ACP1: variants seen among roughly 807,000 people sequenced by gnomAD.
ACP1 encodes the protein low molecular weight phosphotyrosine protein phosphatase.
In ACP1, 23 loss-of-function variants were observed where a neutral mutation model predicts 23.4. The observed-to-expected ratio is 0.98, with a 90% CI of 0.71 to 1.39. ACP1 has a LOEUF of 1.39. Ranked by LOEUF, ACP1 falls within the 40% of genes most tolerant of loss-of-function variation. The pLI, the probability that ACP1 is intolerant of heterozygous loss-of-function variation, is 0.00. For missense variants in ACP1, 180 were observed against 197.7 expected (o/e 0.91, Z 0.54); for synonymous variants, 72 against 67.2 (o/e 1.07, Z -0.35).
At chr2:272,299 A>T (rs1670067743) in intron 3 of ACP1, 149 bp downstream of exon 3, 3 of 1,613,204 alleles carry the variant, frequency 1.9e-6, no homozygotes, top group Non-Finnish European at 2.5e-6. Flanking sequence ...CCCATAAAGC[A>T]AGACAGGTAG....
chr2:265,271 A>T, intron 1 of ACP1: 1 of 449,392 alleles, frequency 2.2e-6, no homozygotes, highest in South Asian at 3.5e-5. Context: ...CAGCCCCTAC[A>T]AGCCAAGGTA....
chr2:265,130 C>T, intron 1 of ACP1, 123 bp downstream of exon 1: 1 of 1,231,184 alleles, frequency 8.1e-7, no homozygotes, highest in East Asian at 2.5e-5. Context: ...GACTGGGAGG[C>T]CTAGGGTGTT....
At chr2:266,829 C>A (rs1669902004) in intron 1 of ACP1, among the ~76,000 whole-genome samples, 1 of 151,920 alleles carries the variant, frequency 6.6e-6, no homozygotes, top group African/African-American at 2.4e-5. Context: ...CAAAAACTTT[C>A]ACCTTTTTAC....
At chr2:271,071 G>T (rs1670015286) in intron 1 of ACP1, among the ~76,000 whole-genome samples, 1 of 152,120 alleles carries the variant, frequency 6.6e-6, no homozygotes, top group South Asian at 2.1e-4. Flanking sequence ...GGCTGCTAAT[G>T]CCTGGATCTG....
chr2:271,958 C>T lies in ACP1; in HGVS notation c.117+19C>T. ...AGAGAATGTAAGTACCATTCATTAT[C>T]TTAAAGAGGCCAACCTGAACTCCTC... On this transcript the variant is annotated intron_variant, in intron 2 of 5. Coordinates refer to ENST00000272065, the MANE Select transcript of ACP1 (RefSeq NM_004300.4). The T allele has an allele frequency of 1.2e-6, 2 of 1,605,778 alleles. No individual in the cohort carries two copies. The highest frequency in any genetic ancestry group is 8.5e-7 in the Non-Finnish European group (1 of 1,174,448).
chr2:271,822 C>T, intron 1 of ACP1, 44 bp from the exon 2 acceptor site: 15 of 1,500,206 alleles, frequency 1.0e-5, no homozygotes, highest in Non-Finnish European at 1.4e-5. Context: ...TGTGCCCTTC[C>T]ATCCAACCTA....
intron 1 of ACP1, among the ~76,000 whole-genome samples, chr2:266,563 A>C (rs1409545954): frequency 2.6e-5 from 4 of 152,182 alleles, no homozygotes; most frequent in African/African-American, 9.7e-5. Context: ...GGATCCCGAA[A>C]CTGTGGGTAG....
intron 4 of ACP1, among the ~76,000 whole-genome samples, chr2:276,361 G>C (rs1330558186): frequency 6.6e-6 from 1 of 152,206 alleles, no homozygotes; most frequent in Non-Finnish European, 1.5e-5. Flanking sequence ...GCTCTTGGCT[G>C]TTCCGTTCCC....
Position 278,256 on chromosome 2 carries a change from G to A in ACP1, c.*952G>A, listed in dbSNP as rs1670230685. 6.6e-6 allele frequency: 1 copy of A among 152,308 alleles called. No individual in the cohort carries two copies. Among genetic ancestry groups the A allele is most frequent in the Non-Finnish European group, 1.5e-5 (1 of 68,026 alleles). 9.4% of individuals were successfully genotyped at this position (152,308 alleles called of 1,614,324 possible). ...TGAATATTTCAAAATAAACTGGGGA[G>A]TTATAAAAATACAACTAGAGATATA... is the stretch of plus-strand genomic sequence containing the variant. On this transcript the variant is annotated 3_prime_UTR_variant, in exon 6 of 6. Coordinates refer to ENST00000272065, the MANE Select transcript of ACP1 (RefSeq NM_004300.4).
At chr2:274,882 G>A in intron 3 of ACP1, 1 of 273,702 alleles carries the variant, frequency 3.7e-6, no homozygotes, top group Non-Finnish European at 6.8e-6. Context: ...TGAAGCCGAT[G>A]TATAAACATT....
intron 1 of ACP1, 126 bp from the exon 2 acceptor site, chr2:271,740 T>G: frequency 1.3e-6 from 1 of 769,322 alleles, no homozygotes; most frequent in Non-Finnish European, 2.3e-6. Context: ...CAAAGGATAG[T>G]GTTGGCCTTT....
intron 1 of ACP1, among the ~76,000 whole-genome samples, chr2:267,693 T>C (rs963160808): frequency 2.0e-5 from 3 of 152,250 alleles, no homozygotes; most frequent in African/African-American, 7.2e-5. Context: ...GCGCCTGTTT[T>C]CTCAGTGCTT....
intron 3 of ACP1, among the ~76,000 whole-genome samples, chr2:273,338 A>G (rs1194796962): frequency 6.6e-6 from 1 of 152,246 alleles, no homozygotes; most frequent in Non-Finnish European, 1.5e-5. Flanking sequence ...ATAATTTTAC[A>G]GAGTTCAAGA....
intron 1 of ACP1, among the ~76,000 whole-genome samples, chr2:268,236 A>G (rs1669941308): frequency 6.6e-6 from 1 of 152,314 alleles, no homozygotes; most frequent in Middle Eastern, 3.4e-3. Flanking sequence ...TTCTGAGGGA[A>G]TTTGAGCGGT....
chr2:267,852 C>T (rs529690883), intron 1 of ACP1, among the ~76,000 whole-genome samples: 1 of 152,216 alleles, frequency 6.6e-6, no homozygotes, highest in East Asian at 1.9e-4. Flanking sequence ...CACAAAGTAG[C>T]CATCCATATG....
rs199544747 is a variant in ACP1, at chr2:271,838, G to T, written c.44-28G>T. Reference sequence around the variant, plus strand: ...GTGCCCTTCCATCCAACCTAACCCTGTTTCCCCACCCCTCCCTTTTTTTAA... The same window carrying T: ...GTGCCCTTCCATCCAACCTAACCCTTTTTCCCCACCCCTCCCTTTTTTTAA... On this transcript the variant is annotated intron_variant, in intron 1 of 5. Transcript: ENST00000272065. 498 of 1,597,018 alleles carry T rather than the reference G, an allele frequency of 3.1e-4. 2 individuals are homozygous for T. The highest frequency in any genetic ancestry group is 7.2e-5 in the Non-Finnish European group (84 of 1,164,828).
At chr2:272,289 C>T in intron 3 of ACP1, 139 bp downstream of exon 3, 1 of 1,613,532 alleles carries the variant, frequency 6.2e-7, no homozygotes, top group Non-Finnish European at 8.5e-7. Flanking sequence ...ATTCACACAG[C>T]CCATAAAGCA....
intron 3 of ACP1, 140 bp downstream of exon 3, chr2:272,290 C>G: frequency 6.2e-7 from 1 of 1,613,462 alleles, no homozygotes; most frequent in Non-Finnish European, 8.5e-7. Flanking sequence ...TTCACACAGC[C>G]CATAAAGCAA....
chr2:275,190 A>G lies in ACP1; in HGVS notation c.282A>G (p.Glu94=). The change falls in exon 4 of 6, where the codon GAA becomes GAG. Residue 94 remains glutamate, a synonymous_variant. Transcript: ENST00000272065. ...TTGATTATATACTATGTATGGATGA[A>G]AGCAATCTGAGGTAATCCTGTTTTT... ...ATFDYILCMD[E]SNLRDLNRKS... 1 of 1,534,908 alleles carries G rather than the reference A, an allele frequency of 6.5e-7. No individual in the cohort carries two copies.
Sources: allele counts gnomAD v4.1 joint callset (sites outside exome capture counted in the v4.1 genomes callset), GRCh38; gene constraint gnomAD v4.1.1; transcripts MANE v1.5; gene names NCBI Gene and HGNC (gene_info 2026-07-23, HGNC 2026-07-21).